Variants in ARHGAP24 observed in about 807,000 individuals in gnomAD.
ARHGAP24 encodes rho GTPase-activating protein 24.
A neutral mutation model predicts 76.4 loss-of-function variants in ARHGAP24; 50 were observed. The ratio of observed to expected loss-of-function variants is 0.65; its 90% CI spans 0.52 to 0.83. The LOEUF is 0.83. Among genes scored for constraint, ARHGAP24 ranks in the 40% least tolerant of loss-of-function variants. ARHGAP24 has a pLI of 0.00. For synonymous variants in ARHGAP24, 345 were observed against 323.3 expected, an observed-to-expected ratio of 1.07 and a Z score of -0.72; for missense variants, 930 against 914.2, an observed-to-expected ratio of 1.02 and a Z score of -0.22.
intron 3 of ARHGAP24, among the ~76,000 whole-genome samples, chr4:85,821,347 A>G (rs1729462780): frequency 6.6e-6 from 1 of 152,224 alleles, no homozygotes; most frequent in Non-Finnish European, 1.5e-5. Context: ...TAATGATAAC[A>G]TATAATCCAT....
chr4:85,510,562 C>A (rs775196327), intron 1 of ARHGAP24, among the ~76,000 whole-genome samples: 44 of 146,356 alleles, frequency 3.0e-4, no homozygotes, highest in Non-Finnish European at 5.3e-4. Context: ...CTTTTTATCT[C>A]TTTCCTTCTC....
chr4:85,761,272 A>C (rs1726721852), intron 3 of ARHGAP24, among the ~76,000 whole-genome samples: 2 of 152,154 alleles, frequency 1.3e-5, no homozygotes, highest in Admixed American at 1.3e-4. Flanking sequence ...AAATCTCATC[A>C]GTGCAGCCAA....
intron 1 of ARHGAP24, among the ~76,000 whole-genome samples, chr4:85,557,148 C>G (rs1423604334): frequency 6.6e-6 from 1 of 152,194 alleles, no homozygotes; most frequent in African/African-American, 2.4e-5. Context: ...GCTCCCTGCC[C>G]AAGAACTCAG....
chr4:85,681,903 T>C (rs1723216894), intron 2 of ARHGAP24, among the ~76,000 whole-genome samples: 1 of 152,248 alleles, frequency 6.6e-6, no homozygotes, highest in African/African-American at 2.4e-5. Context: ...ATTTGGGTTC[T>C]ATTCAAAATA....
chr4:85,794,151 AAC>A (rs1363126299), intron 3 of ARHGAP24, among the ~76,000 whole-genome samples: 1 of 152,176 alleles, frequency 6.6e-6, no homozygotes, highest in Admixed American at 6.5e-5. Flanking sequence ...CTTTATTTTT[AAC>A]AGAAGGGTCT....
chr4:85,744,696 G>A (rs1725961127), intron 3 of ARHGAP24, among the ~76,000 whole-genome samples: 1 of 130,246 alleles, frequency 7.7e-6, no homozygotes, highest in East Asian at 1.9e-4. Flanking sequence ...TGACATTCCT[G>A]ACTGACAGGA....
At chr4:85,802,585 A>G (rs1728623679) in intron 3 of ARHGAP24, among the ~76,000 whole-genome samples, 1 of 152,238 alleles carries the variant, frequency 6.6e-6, no homozygotes, top group South Asian at 2.1e-4. Flanking sequence ...CGAGGTCGGG[A>G]GTTCCATACC....
chr4:85,529,307 G>A (rs184505331), intron 1 of ARHGAP24, among the ~76,000 whole-genome samples: 4 of 151,884 alleles, frequency 2.6e-5, no homozygotes, highest in Non-Finnish European at 5.9e-5. Flanking sequence ...ATTAAATAAA[G>A]CACCTGTTCT....
In ARHGAP24 at chr4:85,930,589, A is replaced by G. The variant is rs1044391132; in HGVS notation, c.391+6819A>G. 20 of 1,044,346 alleles carry G rather than the reference A, an allele frequency of 1.9e-5. No individual in the cohort carries two copies. The African/African-American group carries it at 2.4e-4, about 13-fold the overall frequency. 64.7% of individuals were successfully genotyped at this position (1,044,346 alleles called of 1,614,324 possible). A position where few individuals can be genotyped will look rare whatever the true frequency, so the allele number is the denominator to read the frequency against. ...TTAATAAAAACAAAAAAATGCAAAA[A>G]CCAATTCCTGCTGTTTGAATGGGAA... On this transcript the variant is annotated intron_variant, in intron 4 of 9. Transcript: ENST00000395184.
chr4:85,789,698 G>A (rs531560519), intron 3 of ARHGAP24, among the ~76,000 whole-genome samples: 1 of 152,260 alleles, frequency 6.6e-6, no homozygotes, highest in African/African-American at 2.4e-5. Context: ...ACTGCCAGAA[G>A]GTCTTAGGGG....
At chr4:85,651,069 A>G (rs943596527) in intron 2 of ARHGAP24, among the ~76,000 whole-genome samples, 1 of 149,068 alleles carries the variant, frequency 6.7e-6, no homozygotes, top group Non-Finnish European at 1.5e-5. Flanking sequence ...AAAATATTCC[A>G]GGTGGAAGCA....
At chr4:85,970,738 T>C (rs1220544796) in intron 5 of ARHGAP24, among the ~76,000 whole-genome samples, 1 of 152,142 alleles carries the variant, frequency 6.6e-6, no homozygotes, top group Non-Finnish European at 1.5e-5. Flanking sequence ...GACATGTCAT[T>C]TCCTGCAGCA....
chr4:85,955,882 C>T (rs1248924107), intron 5 of ARHGAP24, among the ~76,000 whole-genome samples: 3 of 152,166 alleles, frequency 2.0e-5, no homozygotes, highest in African/African-American at 7.2e-5. Context: ...TACATGATTT[C>T]CTTCCTGCTG....
intron 1 of ARHGAP24, among the ~76,000 whole-genome samples, 187 bp from the exon 2 acceptor site, chr4:85,570,335 T>C (rs960885562): frequency 2.0e-5 from 3 of 151,352 alleles, no homozygotes; most frequent in African/African-American, 7.3e-5. Context: ...CTCTCTCTCT[T>C]TCTTTTTTTC....
chr4:85,782,192 A>G (rs1277490695), intron 3 of ARHGAP24, among the ~76,000 whole-genome samples: 2 of 152,170 alleles, frequency 1.3e-5, no homozygotes, highest in East Asian at 1.9e-4. Flanking sequence ...AAAATATGCT[A>G]TGTTAAGTCA....
intron 3 of ARHGAP24, among the ~76,000 whole-genome samples, chr4:85,873,350 T>C (rs1732647638): frequency 6.6e-6 from 1 of 152,206 alleles, no homozygotes; most frequent in East Asian, 1.9e-4. Context: ...TAAATGTAAA[T>C]TTTCTTAATT....
At chr4:85,888,418 A>AAG (rs33930924) in intron 3 of ARHGAP24, among the ~76,000 whole-genome samples, 1 of 139,044 alleles carries the variant, frequency 7.2e-6, no homozygotes. Context: ...AAAAAAAAAA[A>AAG]GAAAGAAAGA....
intron 4 of ARHGAP24, among the ~76,000 whole-genome samples, chr4:85,925,824 C>A (rs1478042366): frequency 4.6e-5 from 7 of 152,118 alleles, no homozygotes; most frequent in Non-Finnish European, 1.0e-4. Context: ...TGTTTGCTAG[C>A]ACCTCCAGGG....
At chr4:85,552,488 A>T (rs1047559109) in intron 1 of ARHGAP24, among the ~76,000 whole-genome samples, 2 of 152,102 alleles carry the variant, frequency 1.3e-5, no homozygotes, top group Non-Finnish European at 2.9e-5. Flanking sequence ...AGAAGAATGT[A>T]TATTCTGTTG....
Sources: allele counts gnomAD v4.1 joint callset (sites outside exome capture counted in the v4.1 genomes callset), GRCh38; gene constraint gnomAD v4.1.1; transcripts MANE v1.5; gene names NCBI Gene and HGNC (gene_info 2026-07-23, HGNC 2026-07-21).